ANKRD17: variants seen among roughly 807,000 people sequenced by gnomAD.
ANKRD17 encodes the protein ankyrin repeat domain 17, also known as ankyrin repeat domain-containing protein 17.
In ANKRD17, 19 loss-of-function variants were observed where a neutral mutation model predicts 229.7. That is an observed-to-expected ratio of 0.08 (90% CI 0.06 to 0.12). The LOEUF is 0.12. Among genes scored for constraint, ANKRD17 ranks in the 10% least tolerant of loss-of-function variants. ANKRD17 has a pLI of 1.00. For missense variants in ANKRD17, 2,176 were observed against 3,176.8 expected (o/e 0.68, Z 7.57); for synonymous variants, 1,112 against 1,146.1 (o/e 0.97, Z 0.60).
At chr4:73,093,013 G>C in intron 28 of ANKRD17, among the ~76,000 whole-genome samples, 1 of 152,094 alleles carries the variant, frequency 6.6e-6, no homozygotes. Context: ...CTCTTTTCTA[G>C]ATAAGATAGG....
rs371998666 is a variant in ANKRD17, at chr4:73,204,778, C to T, written c.394-27245G>A. On this transcript the variant is annotated intron_variant, in intron 1 of 33. Coordinates refer to ENST00000358602, the MANE Select transcript of ANKRD17 (RefSeq NM_032217.5). Reference sequence around the variant, plus strand: ...ACTGTCGTAAGGTTCTTAATATTTTCGGGAAGTGGTATTATATGTGACAAC... The same window carrying T: ...ACTGTCGTAAGGTTCTTAATATTTTTGGGAAGTGGTATTATATGTGACAAC... Among the ~76,000 whole-genome samples the T allele has an allele frequency of 2.0e-4, 30 of 152,062 alleles. No homozygotes were observed. The South Asian group carries it at 4.2e-3, about 21-fold the overall frequency.
chr4:73,126,739 A>AT (rs1218670809), intron 16 of ANKRD17, among the ~76,000 whole-genome samples: 3 of 151,910 alleles, frequency 2.0e-5, no homozygotes, highest in African/African-American at 4.8e-5. Context: ...TATTTATTTT[A>AT]TTTTTTATTT....
intron 2 of ANKRD17, among the ~76,000 whole-genome samples, chr4:73,162,282 A>G (rs758842380): frequency 6.6e-6 from 1 of 152,082 alleles, no homozygotes; most frequent in African/African-American, 2.4e-5. Context: ...ACTCCTGGGC[A>G]TAAGGAATCC....
chr4:73,232,054 C>T (rs932892599), intron 1 of ANKRD17, among the ~76,000 whole-genome samples: 2 of 152,164 alleles, frequency 1.3e-5, no homozygotes, highest in South Asian at 2.1e-4. Context: ...ATAAGTGTTT[C>T]CCTGAGTTCT....
At chr4:73,240,680 C>T (rs1243788372) in intron 1 of ANKRD17, among the ~76,000 whole-genome samples, 1 of 152,008 alleles carries the variant, frequency 6.6e-6, no homozygotes, top group Non-Finnish European at 1.5e-5. Context: ...TGGAAAACAT[C>T]TAAAATTCCT....
At chr4:73,223,183 A>G (rs1742086713) in intron 1 of ANKRD17, 1 of 620,904 alleles carries the variant, frequency 1.6e-6, no homozygotes, top group Non-Finnish European at 2.7e-6. Context: ...CCAAAAGAGC[A>G]GGGGGTGACT....
chr4:73,159,950 C>T (rs545554679), intron 3 of ANKRD17, among the ~76,000 whole-genome samples: 6 of 152,102 alleles, frequency 3.9e-5, no homozygotes, highest in Non-Finnish European at 8.8e-5. Flanking sequence ...ACTATCTAAC[C>T]TCTCTTTTAT....
intron 1 of ANKRD17, among the ~76,000 whole-genome samples, chr4:73,250,444 T>G (rs759695702): frequency 1.3e-5 from 2 of 151,084 alleles, no homozygotes; most frequent in Non-Finnish European, 2.9e-5. Context: ...CTAATAAAAA[T>G]ACAAAACAAT....
intron 1 of ANKRD17, among the ~76,000 whole-genome samples, chr4:73,189,258 G>T (rs887338287): frequency 2.0e-5 from 3 of 152,140 alleles, no homozygotes; most frequent in East Asian, 3.9e-4. Flanking sequence ...TTTAGTAGTA[G>T]TATAAAAGAC....
Position 73,258,524 on chromosome 4 carries a change from A to T in ANKRD17, c.145T>A (p.Ser49Thr). The T allele has an allele frequency of 6.5e-7, 1 of 1,536,140 alleles. No homozygotes were observed. Among genetic ancestry groups the T allele is most frequent in the African/African-American group, 1.4e-5 (1 of 72,168 alleles). ...ACTCGCACCATCCCACGAGGAGACG[A>T]GGCCGAGCGAGCTCTGCTGCTGCCG... The part of the protein sequence containing the change: ...VGGSSRARSA[S>T]SPRGMVRVCD... The change falls in exon 1 of 34, where the codon TCG (serine) becomes ACG (threonine). Residue 49 changes from serine (S) to threonine (T), a missense_variant. Physicochemically the swap from Ser to Thr is moderately conservative, Grantham distance 58 (BLOSUM62 1). Coordinates refer to ENST00000358602, the MANE Select transcript of ANKRD17 (RefSeq NM_032217.5).
At chr4:73,252,359 C>T (rs762859069) in intron 1 of ANKRD17, among the ~76,000 whole-genome samples, 1 of 152,242 alleles carries the variant, frequency 6.6e-6, no homozygotes, top group African/African-American at 2.4e-5. Flanking sequence ...CTTGGACCCA[C>T]TATTTCACAA....
intron 24 of ANKRD17, among the ~76,000 whole-genome samples, chr4:73,108,452 G>C (rs1292969988): frequency 6.6e-6 from 1 of 152,170 alleles, no homozygotes; most frequent in Non-Finnish European, 1.5e-5. Flanking sequence ...CATGTAACAA[G>C]TCAAAAGGCT....
intron 7 of ANKRD17, among the ~76,000 whole-genome samples, chr4:73,150,051 T>C (rs991614554): frequency 5.3e-5 from 8 of 152,184 alleles, no homozygotes; most frequent in Non-Finnish European, 1.0e-4. Context: ...TATTTTTGCC[T>C]CTATGCTTGT....
At chr4:73,186,625 A>G (rs1293772906) in intron 1 of ANKRD17, among the ~76,000 whole-genome samples, 1 of 152,172 alleles carries the variant, frequency 6.6e-6, no homozygotes, top group Non-Finnish European at 1.5e-5. Flanking sequence ...GTGACTTCTT[A>G]TGCTTCAAAC....
chr4:73,191,341 ATGTGTGTGTG>A (rs71655741), intron 1 of ANKRD17, among the ~76,000 whole-genome samples: 81 of 125,282 alleles, frequency 6.5e-4, no homozygotes, highest in South Asian at 2.8e-3. Context: ...AAAAATATAT[ATGTGTGTGTG>A]TGTGTGTGTG....
intron 1 of ANKRD17, among the ~76,000 whole-genome samples, chr4:73,256,080 A>C (rs1228097879): frequency 6.6e-6 from 1 of 152,280 alleles, no homozygotes; most frequent in Admixed American, 6.5e-5. Context: ...TAAATGACAA[A>C]CCCATTGTTT....
chr4:73,162,762 T>C (rs1732701816), intron 2 of ANKRD17, among the ~76,000 whole-genome samples: 2 of 152,194 alleles, frequency 1.3e-5, no homozygotes, highest in African/African-American at 2.4e-5. Flanking sequence ...CTATAAAGCA[T>C]GCAGCATTCT....
intron 14 of ANKRD17, 42 bp from the exon 15 acceptor site, chr4:73,140,325 C>G: frequency 6.5e-7 from 1 of 1,530,974 alleles, no homozygotes; most frequent in Non-Finnish European, 8.7e-7. Flanking sequence ...ACATGAATGG[C>G]ATCCTCATTA....
At chr4:73,082,850 T>C (rs1721714947) in intron 30 of ANKRD17, among the ~76,000 whole-genome samples, 1 of 152,112 alleles carries the variant, frequency 6.6e-6, no homozygotes. Flanking sequence ...AATAATAAAG[T>C]TATTGAGATA....
Sources: allele counts gnomAD v4.1 joint callset (sites outside exome capture counted in the v4.1 genomes callset), GRCh38; gene constraint gnomAD v4.1.1; transcripts MANE v1.5; gene names NCBI Gene and HGNC (gene_info 2026-07-23, HGNC 2026-07-21).